The following ANKRD30BL variants were observed in gnomAD, a reference collection of about 807,000 sequenced individuals.
The protein encoded by ANKRD30BL is putative ankyrin repeat domain-containing protein 30B-like.
In ANKRD30BL, 20 loss-of-function variants were observed where a neutral mutation model predicts 18.4. The ratio of observed to expected loss-of-function variants is 1.09; its 90% CI spans 0.77 to 1.58. The LOEUF is 1.58. ANKRD30BL is among the 40% of genes most tolerant of loss of function. The pLI is 0.00. For missense variants in ANKRD30BL, 224 were observed against 268.6 expected (o/e 0.83, Z 1.16); for synonymous variants, 72 against 100.9 (o/e 0.71, Z 1.72).
intron 1 of ANKRD30BL, among the ~76,000 whole-genome samples, chr2:132,169,554 G>A (rs1333002625): frequency 3.3e-5 from 5 of 150,756 alleles, no homozygotes; most frequent in African/African-American, 1.2e-4. Flanking sequence ...GGCTGAGGCA[G>A]GAGAATCACT....
chr2:132,226,612 GC>G (rs1679853016), intron 1 of ANKRD30BL, among the ~76,000 whole-genome samples: 1 of 151,830 alleles, frequency 6.6e-6, no homozygotes, highest in East Asian at 1.9e-4. Context: ...TTTTGATTGA[GC>G]AGTTTTGAAC....
intron 1 of ANKRD30BL, among the ~76,000 whole-genome samples, chr2:132,229,681 TCA>T (rs1028657042): frequency 3.9e-5 from 6 of 152,140 alleles, no homozygotes; most frequent in African/African-American, 1.4e-4. Context: ...TGCATTCAAC[TCA>T]CAGAGTTGAA....
rs57950917 is a variant in ANKRD30BL at position 132,235,935 on chromosome 2, A to G, written n.441+21594T>C. 9.6e-3 allele frequency among the ~76,000 whole-genome samples: 1,464 copies of G among 152,278 alleles called. 20 individuals are homozygous for G. The highest frequency in any genetic ancestry group is 0.033 in the African/African-American group (1,364 of 41,562). On this transcript the variant is annotated intron_variant and non_coding_transcript_variant, in intron 1 of 4. Transcript: ENST00000470729. ...GAGGCATCACACTACCTGACTTCAA[A>G]CTATACTGCAAAGCTACAGTAACCA...
chr2:132,231,573 G>A (rs111593982), intron 1 of ANKRD30BL, among the ~76,000 whole-genome samples: 5,895 of 152,268 alleles, frequency 0.039, 401 homozygotes, highest in African/African-American at 0.13. Flanking sequence ...AAAGAAAGGG[G>A]TGACAGATGC....
At chr2:132,175,101 A>C (rs1484837186) in intron 1 of ANKRD30BL, among the ~76,000 whole-genome samples, 3 of 152,226 alleles carry the variant, frequency 2.0e-5, no homozygotes, top group African/African-American at 7.2e-5. Flanking sequence ...AATAAGACAC[A>C]GAGTCAAAGT....
chr2:132,203,994 T>C (rs1475812353), intron 1 of ANKRD30BL, among the ~76,000 whole-genome samples: 1 of 152,224 alleles, frequency 6.6e-6, no homozygotes, highest in Non-Finnish European at 1.5e-5. Flanking sequence ...TATGTATTCA[T>C]TGTTTTCAAA....
At chr2:132,227,753 T>C (rs1573866883) in intron 1 of ANKRD30BL, among the ~76,000 whole-genome samples, 2 of 151,920 alleles carry the variant, frequency 1.3e-5, no homozygotes, top group African/African-American at 4.8e-5. Flanking sequence ...ATTCTCAGAA[T>C]CTTCTTTGTG....
intron 1 of ANKRD30BL, among the ~76,000 whole-genome samples, 172 bp downstream of exon 1, chr2:132,161,316 A>G (rs6430109): frequency 0.62 from 93,507 of 151,820 alleles, 30,195 homozygotes; most frequent in African/African-American, 0.82. Flanking sequence ...GGCCTGGGGG[A>G]CCTGCCCGGG....
intron 1 of ANKRD30BL, among the ~76,000 whole-genome samples, chr2:132,177,257 G>A (rs1295009010): frequency 1.3e-5 from 2 of 151,992 alleles, no homozygotes; most frequent in Non-Finnish European, 2.9e-5. Context: ...GGGTTCAAGC[G>A]ATTCTCCTGC....
intron 1 of ANKRD30BL, among the ~76,000 whole-genome samples, chr2:132,191,198 T>A (rs186078130): frequency 6.6e-6 from 1 of 152,318 alleles, no homozygotes; most frequent in South Asian, 2.1e-4. Flanking sequence ...ATATACCTAC[T>A]GTTGTTTCAT....
chr2:132,191,736 GA>G (rs1678854225), intron 1 of ANKRD30BL, among the ~76,000 whole-genome samples: 1 of 134,982 alleles, frequency 7.4e-6, no homozygotes, highest in South Asian at 2.3e-4. Context: ...TATGGAGTTT[GA>G]TTTTTTTTTT....
At chr2:132,182,025 G>A (rs192498782) in intron 1 of ANKRD30BL, among the ~76,000 whole-genome samples, 2 of 152,036 alleles carry the variant, frequency 1.3e-5, no homozygotes, top group Admixed American at 6.6e-5. Context: ...GTAGGAGAAT[G>A]GCTTTAACCC....
chr2:132,250,140 C>T (rs538932035), intron 1 of ANKRD30BL, among the ~76,000 whole-genome samples: 1 of 152,276 alleles, frequency 6.6e-6, no homozygotes, highest in African/African-American at 2.4e-5. Flanking sequence ...AAGCTTCTAT[C>T]TAGTTTTTAT....
intron 1 of ANKRD30BL, among the ~76,000 whole-genome samples, chr2:132,236,171 C>G (rs929534177): frequency 2.0e-5 from 3 of 151,998 alleles, no homozygotes; most frequent in Non-Finnish European, 2.9e-5. Flanking sequence ...TTCCTTACAC[C>G]TTACACAAAA....
chr2:132,154,709 A>C lies in ANKRD30BL; in HGVS notation c.567T>G (p.Phe189Leu). The change falls in exon 4 of 6, where the codon TTT becomes TTG. Residue 189 changes from phenylalanine (F) to leucine (L), a missense_variant. This residue lies in a region of ANKRD30BL where 63 missense variants were observed against 62.3 expected (regional missense o/e 1.01). Coordinates refer to ENST00000409867, the MANE Select transcript of ANKRD30BL (RefSeq NM_001358416.1). ...TTGCATTTGCATTTTTTGTCAGTAAAAATTCCACAATTTCCTCACTTCTTT... is the reference window on the plus strand; with the variant it reads ...TTGCATTTGCATTTTTTGTCAGTAACAATTCCACAATTTCCTCACTTCTTT... ...IRKRSEEIVE[F>L]LLTKNANANA... 2.7e-6 allele frequency: 2 copies of C among 734,334 alleles called. No homozygotes were observed. The highest frequency in any genetic ancestry group is 5.1e-6 in the Non-Finnish European group (2 of 392,686). The allele number at this position is 734,334 out of a possible 1,614,324, so 45.5% of individuals were successfully genotyped here.
chr2:132,205,680 A>T (rs1313627501), intron 1 of ANKRD30BL, among the ~76,000 whole-genome samples: 1 of 151,940 alleles, frequency 6.6e-6, no homozygotes, highest in Non-Finnish European at 1.5e-5. Context: ...TGGGGCCAAC[A>T]TTGAGTGGTC....
chr2:132,186,002 G>A (rs148423535), intron 1 of ANKRD30BL, among the ~76,000 whole-genome samples: 3 of 151,938 alleles, frequency 2.0e-5, no homozygotes, highest in African/African-American at 4.8e-5. Flanking sequence ...TTAACCAGGC[G>A]TGGTGGCATG....
chr2:132,216,476 C>A (rs985045380), intron 1 of ANKRD30BL, among the ~76,000 whole-genome samples: 6 of 151,878 alleles, frequency 4.0e-5, no homozygotes, highest in Non-Finnish European at 5.9e-5. Context: ...GTAGAATCTG[C>A]AAGTGGACAT....
chr2:132,166,346 G>A (rs1398638673), upstream of ANKRD30BL, among the ~76,000 whole-genome samples: 1 of 145,174 alleles, frequency 6.9e-6, no homozygotes, highest in Non-Finnish European at 1.5e-5. Context: ...CCATTTTCTT[G>A]AAAAGTCTGT....
Sources: allele counts gnomAD v4.1 joint callset (sites outside exome capture counted in the v4.1 genomes callset), GRCh38; gene constraint gnomAD v4.1.1; regional missense constraint gnomAD v4.1.1; transcripts MANE v1.5; gene names NCBI Gene and HGNC (gene_info 2026-07-23, HGNC 2026-07-21).